Variants in ZC3H3 observed in about 807,000 individuals in gnomAD.
ZC3H3 encodes the protein zinc finger CCCH-type containing 3.
In ZC3H3, 36 loss-of-function variants were observed where a neutral mutation model predicts 77.3. The ratio of observed to expected loss-of-function variants is 0.47; its 90% CI spans 0.36 to 0.61. The LOEUF (loss-of-function observed/expected upper bound fraction) is 0.61, where lower values mean the gene tolerates loss of function less well. Among genes scored for constraint, ZC3H3 ranks in the 20% least tolerant of loss-of-function variants. ZC3H3 has a pLI of 0.00. For synonymous variants in ZC3H3, 626 were observed against 555.2 expected, an observed-to-expected ratio of 1.13 and a Z score of -1.79; for missense variants, 1,331 against 1,312.2, an observed-to-expected ratio of 1.01 and a Z score of -0.22.
intron 3 of ZC3H3, among the ~76,000 whole-genome samples, chr8:143,520,085 G>A (rs1822192668): frequency 6.6e-6 from 1 of 152,226 alleles, no homozygotes; most frequent in Admixed American, 6.5e-5. Context: ...GGCTCAAGGA[G>A]GGGCCCTGGC....
chr8:143,505,250 C>T (rs981662447), intron 4 of ZC3H3, among the ~76,000 whole-genome samples: 7 of 152,242 alleles, frequency 4.6e-5, no homozygotes, highest in Non-Finnish European at 7.3e-5. Flanking sequence ...TTCTTCCTCT[C>T]CATGGCAGCC....
Position 143,475,414 on chromosome 8 carries a change from C to T in ZC3H3, c.1887G>A (p.Arg629=). 6.2e-7 allele frequency: 1 copy of T among 1,612,912 alleles called. No homozygotes were observed. The highest frequency in any genetic ancestry group is 8.5e-7 in the Non-Finnish European group (1 of 1,179,810). Residue 629 remains arginine (R), a synonymous_variant, in exon 5 of 12, where the codon AGG becomes AGA. Transcript: ENST00000262577. ...ACCTCTCACCTGTGCGCAGGAGGGGCCTGCTGCCCGCATCACTGGGCTGGC... is the reference window on the plus strand; with the variant it reads ...ACCTCTCACCTGTGCGCAGGAGGGGTCTGCTGCCCGCATCACTGGGCTGGC... The part of the protein sequence containing the change: ...TSGQPSDAGS[R]PLLRTGRLDP...
At chr8:143,466,708 G>A (rs1179968660) in intron 8 of ZC3H3, among the ~76,000 whole-genome samples, 1 of 152,152 alleles carries the variant, frequency 6.6e-6, no homozygotes, top group Non-Finnish European at 1.5e-5. Flanking sequence ...GCCTCAGCAT[G>A]GAGCCCCCAC....
chr8:143,457,019 A>G (rs995585426), intron 9 of ZC3H3, among the ~76,000 whole-genome samples: 2 of 152,230 alleles, frequency 1.3e-5, no homozygotes, highest in African/African-American at 4.8e-5. Flanking sequence ...AGACTTCAGC[A>G]CCTCTCTCAA....
At chr8:143,444,613 A>C (rs1819821464) in intron 9 of ZC3H3, among the ~76,000 whole-genome samples, 1 of 152,252 alleles carries the variant, frequency 6.6e-6, no homozygotes, top group Non-Finnish European at 1.5e-5. Context: ...AAAAGAGAAG[A>C]ATCATATGAT....
At chr8:143,448,595 C>T (rs1047596625) in intron 9 of ZC3H3, among the ~76,000 whole-genome samples, 7 of 152,250 alleles carry the variant, frequency 4.6e-5, no homozygotes, top group African/African-American at 1.7e-4. Context: ...CCAGCTCCGC[C>T]GCCATGGCTC....
intron 9 of ZC3H3, among the ~76,000 whole-genome samples, chr8:143,449,915 C>A (rs1347237690): frequency 6.6e-6 from 1 of 151,908 alleles, no homozygotes; most frequent in Non-Finnish European, 1.5e-5. Flanking sequence ...TCATCTCCAT[C>A]TGAGACCTCC....
chr8:143,465,954 C>T (rs890231808), intron 8 of ZC3H3, 106 bp from the exon 9 acceptor site: 26 of 1,434,308 alleles, frequency 1.8e-5, no homozygotes, highest in East Asian at 2.5e-5. Flanking sequence ...GAAATGGACA[C>T]GCGGCACCAG....
chr8:143,500,977 CTTT>C (rs36081285), intron 4 of ZC3H3, among the ~76,000 whole-genome samples: 9 of 134,102 alleles, frequency 6.7e-5, no homozygotes, highest in Non-Finnish European at 6.3e-5. Context: ...CATGCCCGAC[CTTT>C]TTTTTTTTTT....
Position 143,468,674 on chromosome 8 carries a change from G to A in ZC3H3, c.1904-15C>T, listed in dbSNP as rs1820481083. ...ATCCAGCCGGCCTGTGGGGGAGAGA[G>A]GCACGGGTCATAGCAGGCCACAGCC... On this transcript the variant is annotated splice_polypyrimidine_tract_variant and intron_variant, in intron 5 of 11. Transcript: ENST00000262577. 1.9e-6 allele frequency: 3 copies of A among 1,548,120 alleles called. No homozygotes were observed. The highest frequency in any genetic ancestry group is 2.7e-5 in the African/African-American group (2 of 73,054).
At chr8:143,441,759 C>T (rs934210323) in intron 9 of ZC3H3, among the ~76,000 whole-genome samples, 7 of 152,166 alleles carry the variant, frequency 4.6e-5, no homozygotes, top group South Asian at 2.1e-4. Flanking sequence ...CCCAGCCTGG[C>T]CTGTGGTGCA....
chr8:143,538,003 C>T lies in ZC3H3; in HGVS notation c.1364G>A (p.Ser455Asn), dbSNP rs778390999. The change falls in exon 2 of 12, where the codon AGC becomes AAC. Residue 455 changes from serine (S) to asparagine (N), a missense_variant and splice_region_variant. Physicochemically the swap from Ser to Asn is conservative, Grantham distance 46 (BLOSUM62 1). Coordinates refer to ENST00000262577, the MANE Select transcript of ZC3H3 (RefSeq NM_015117.3). ...TKIIRRRSST[S>N]LPGDKKSGTS... is the part of the protein sequence containing the mutation. Reference sequence around the variant, plus strand: ...TACCGCAGCCGGCCGGGATGCCCACCTTGTGCTGCTGCGTCTCCGGATGAT... The same window carrying T: ...TACCGCAGCCGGCCGGGATGCCCACTTTGTGCTGCTGCGTCTCCGGATGAT... 16 of 1,597,024 alleles carry T rather than the reference C, an allele frequency of 1.0e-5. No homozygotes were observed. The South Asian group carries it at 1.8e-4, about 18-fold the overall frequency.
At chr8:143,518,636 G>A (rs573068329) in intron 3 of ZC3H3, among the ~76,000 whole-genome samples, 1 of 152,376 alleles carries the variant, frequency 6.6e-6, no homozygotes, top group East Asian at 1.9e-4. Flanking sequence ...CAGGCACCAG[G>A]TGTGCCCTGA....
chr8:143,475,157 G>A (rs1820696425), intron 5 of ZC3H3, among the ~76,000 whole-genome samples: 1 of 152,238 alleles, frequency 6.6e-6, no homozygotes, highest in African/African-American at 2.4e-5. Context: ...GGCTACGAAG[G>A]CGCCGGGTGT....
intron 9 of ZC3H3, among the ~76,000 whole-genome samples, chr8:143,461,553 C>G (rs199932850): frequency 2.0e-5 from 3 of 152,080 alleles, no homozygotes; most frequent in Non-Finnish European, 2.9e-5. Flanking sequence ...AAGGCTGGAG[C>G]GCGGACATTC....
chr8:143,527,435 T>C (rs1242956578), intron 3 of ZC3H3, among the ~76,000 whole-genome samples: 1 of 152,024 alleles, frequency 6.6e-6, no homozygotes, highest in African/African-American at 2.4e-5. Flanking sequence ...GCAGCCCAGG[T>C]CTTCAGCTTG....
chr8:143,539,542 A>G (rs1185457952), intron 1 of ZC3H3, among the ~76,000 whole-genome samples: 2 of 152,130 alleles, frequency 1.3e-5, no homozygotes, highest in African/African-American at 2.4e-5. Flanking sequence ...CATCAGCTCC[A>G]CTTCAGTCCT....
chr8:143,536,399 G>A lies in ZC3H3; in HGVS notation c.1419C>T (p.His473=), dbSNP rs1822800293. Residue 473 remains histidine (H), a synonymous_variant, in exon 3 of 12, where the codon CAC becomes CAT. Coordinates refer to ENST00000262577, the MANE Select transcript of ZC3H3 (RefSeq NM_015117.3). ...GGGCCTGTCTCCGCCGGAGGCTGAG[G>A]TGGCTCTTGGCGGTGGCGGCAGGTG... is the stretch of plus-strand genomic sequence containing the variant. ...GTSPAATAKS[H]LSLRRRQALR... 4 of 1,573,198 alleles carry A rather than the reference G, an allele frequency of 2.5e-6. No homozygotes were observed. The highest frequency in any genetic ancestry group is 3.5e-6 in the Non-Finnish European group (4 of 1,157,934).
intron 3 of ZC3H3, among the ~76,000 whole-genome samples, chr8:143,531,422 C>T (rs1031363560): frequency 2.0e-5 from 3 of 152,192 alleles, no homozygotes; most frequent in African/African-American, 4.8e-5. Flanking sequence ...CAGAGGACTT[C>T]GGAGGGCCGG....
Sources: gnomAD v4.1 joint callset for allele counts (sites outside exome capture counted in the v4.1 genomes callset) on GRCh38, gnomAD v4.1.1 for gene constraint, MANE v1.5 for transcripts, NCBI Gene and HGNC (gene_info 2026-07-23, HGNC 2026-07-21) for gene names.